NTRK2: variants seen among roughly 807,000 people sequenced by gnomAD.
NTRK2 encodes the protein BDNF/NT-3 growth factors receptor.
NTRK2 carries 13 observed loss-of-function variants against 94.5 expected under a neutral mutation model. The observed-to-expected ratio is 0.14, with a 90% CI of 0.09 to 0.22. The LOEUF is 0.22. Ranked by LOEUF, NTRK2 falls within the 10% of genes least tolerant of loss-of-function variation. NTRK2 has a pLI of 1.00. For missense variants in NTRK2, 639 were observed against 1,071.2 expected (o/e 0.60, Z 5.63); for synonymous variants, 372 against 407.4 (o/e 0.91, Z 1.05).
At chr9:84,829,024 G>T (rs1017547517) in intron 12 of NTRK2, among the ~76,000 whole-genome samples, 1 of 151,722 alleles carries the variant, frequency 6.6e-6, no homozygotes, top group African/African-American at 2.4e-5. Flanking sequence ...TTGAGATGGG[G>T]TCTTACTCTT....
chr9:85,015,004 G>T (rs1832062344), intron 17 of NTRK2, among the ~76,000 whole-genome samples: 2 of 152,076 alleles, frequency 1.3e-5, no homozygotes, highest in Non-Finnish European at 2.9e-5. Flanking sequence ...CTCAGACATT[G>T]TTCTGATTAG....
chr9:84,840,135 C>G (rs891747207), intron 12 of NTRK2, among the ~76,000 whole-genome samples: 1 of 152,064 alleles, frequency 6.6e-6, no homozygotes, highest in Non-Finnish European at 1.5e-5. Flanking sequence ...TAAGTTTGGT[C>G]CTTTGTGAGA....
chr9:84,692,048 G>C (rs2060079556), intron 2 of NTRK2, among the ~76,000 whole-genome samples: 1 of 152,124 alleles, frequency 6.6e-6, no homozygotes, highest in African/African-American at 2.4e-5. Flanking sequence ...CTATTTTTTG[G>C]AGAGTAGTTC....
intron 14 of NTRK2, among the ~76,000 whole-genome samples, chr9:84,889,752 G>A (rs1337085625): frequency 6.6e-6 from 1 of 152,176 alleles, no homozygotes; most frequent in African/African-American, 2.4e-5. Flanking sequence ...ACATATCATT[G>A]GTGGCATATT....
At chr9:84,790,235 C>G (rs2068592212) in intron 12 of NTRK2, among the ~76,000 whole-genome samples, 1 of 152,054 alleles carries the variant, frequency 6.6e-6, no homozygotes, top group African/African-American at 2.4e-5. Context: ...TTGTCATTAC[C>G]TTTTAAGTAA....
intron 6 of NTRK2, among the ~76,000 whole-genome samples, chr9:84,722,160 C>CTTT (rs36100177): frequency 0.012 from 777 of 67,102 alleles, 33 homozygotes; most frequent in East Asian, 0.016. Flanking sequence ...CTATTAGGGG[C>CTTT]TTTTTTTTTT....
intron 2 of NTRK2, among the ~76,000 whole-genome samples, chr9:84,687,536 C>T (rs1206476434): frequency 6.6e-6 from 1 of 152,008 alleles, no homozygotes; most frequent in Admixed American, 6.6e-5. Context: ...TCTTACTTAC[C>T]CAGTCTACAC....
intron 14 of NTRK2, among the ~76,000 whole-genome samples, chr9:84,915,816 T>C (rs766130130): frequency 2.6e-5 from 4 of 152,110 alleles, no homozygotes; most frequent in Non-Finnish European, 4.4e-5. Flanking sequence ...TTCTGGAAAA[T>C]TAATAAAACT....
intron 17 of NTRK2, among the ~76,000 whole-genome samples, chr9:85,004,009 A>AG (rs1367532699): frequency 5.0e-5 from 1 of 20,096 alleles, no homozygotes; most frequent in Non-Finnish European, 1.1e-4. Context: ...AGAAAGAAAG[A>AG]AAAGAAAGAG....
At chr9:84,709,861 G>A (rs1289193137) in intron 5 of NTRK2, among the ~76,000 whole-genome samples, 1 of 152,026 alleles carries the variant, frequency 6.6e-6, no homozygotes, top group Non-Finnish European at 1.5e-5. Flanking sequence ...AGGAGTCCAG[G>A]CAGCATGGCT....
chr9:84,815,204 T>C (rs2072260731), intron 12 of NTRK2: 1 of 1,057,168 alleles, frequency 9.5e-7, no homozygotes, highest in South Asian at 4.6e-5. Flanking sequence ...TAAGTTGAAT[T>C]CAGGCTAGTG....
chr9:84,978,626 T>C (rs998199856), intron 17 of NTRK2, among the ~76,000 whole-genome samples: 3 of 152,192 alleles, frequency 2.0e-5, no homozygotes, highest in Admixed American at 6.5e-5. Flanking sequence ...AGATCATTCA[T>C]GAAGGTGGCT....
intron 11 of NTRK2, 55 bp downstream of exon 11, chr9:84,745,128 T>C: frequency 1.7e-6 from 2 of 1,195,972 alleles, no homozygotes; most frequent in Middle Eastern, 1.9e-4. Context: ...GATGCCTCCA[T>C]GTTAGAGGAA....
intron 12 of NTRK2, among the ~76,000 whole-genome samples, chr9:84,798,508 C>G (rs1462341057): frequency 6.6e-6 from 1 of 152,152 alleles, no homozygotes; most frequent in East Asian, 1.9e-4. Context: ...CTGAGTCTGC[C>G]CTTGGCTGGC....
intron 12 of NTRK2, among the ~76,000 whole-genome samples, chr9:84,792,650 C>T (rs2068849334): frequency 1.3e-5 from 2 of 152,190 alleles, no homozygotes; most frequent in Admixed American, 1.3e-4. Context: ...ATGGTTCAGC[C>T]TAATACATAT....
intron 16 of NTRK2, among the ~76,000 whole-genome samples, chr9:84,950,177 CGCTTGAATTCT>C (rs1189159614): frequency 6.6e-6 from 1 of 152,188 alleles, no homozygotes; most frequent in East Asian, 1.9e-4. Context: ...AATAAGCAGA[CGCTTGAATTCT>C]GCCAGGAATG....
intron 12 of NTRK2, among the ~76,000 whole-genome samples, chr9:84,780,521 G>A (rs2067462722): frequency 1.3e-5 from 2 of 152,264 alleles, no homozygotes; most frequent in Admixed American, 6.5e-5. Flanking sequence ...TTTTAGTCAG[G>A]CCAGTCCCTA....
At chr9:84,931,118 G>T (rs2078010695) in intron 14 of NTRK2, among the ~76,000 whole-genome samples, 2 of 152,090 alleles carry the variant, frequency 1.3e-5, no homozygotes, top group Admixed American at 1.3e-4. Context: ...TTAAAAAAGA[G>T]AAATTTGGCC....
At chr9:84,823,852 G>C (rs765767966) in intron 12 of NTRK2, among the ~76,000 whole-genome samples, 2 of 152,148 alleles carry the variant, frequency 1.3e-5, no homozygotes, top group Admixed American at 6.5e-5. Flanking sequence ...CATTCTGCTC[G>C]TGGCTTTCAG....
Sources: gnomAD v4.1 joint callset for allele counts (sites outside exome capture counted in the v4.1 genomes callset) on GRCh38, gnomAD v4.1.1 for gene constraint, MANE v1.5 for transcripts, NCBI Gene and HGNC (gene_info 2026-07-23, HGNC 2026-07-21) for gene names.